EML4: variants seen among roughly 807,000 people sequenced by gnomAD.
EML4 encodes echinoderm microtubule-associated protein-like 4.
In EML4, 72 loss-of-function variants were observed where a neutral mutation model predicts 129.0. The ratio of observed to expected loss-of-function variants is 0.56; its 90% CI spans 0.46 to 0.68. The LOEUF is 0.68. Ranked by LOEUF, EML4 falls within the 30% of genes least tolerant of loss-of-function variation. The probability of loss-of-function intolerance (pLI) is 0.00; values close to 1 mark genes in which losing one functional copy is unlikely to be tolerated. For synonymous variants in EML4, 532 were observed against 405.0 expected (o/e 1.31, Z -3.77); for missense variants, 1,363 against 1,190.6 (o/e 1.14, Z -2.13).
At chr2:42,197,844 T>A (rs758086980) in intron 1 of EML4, among the ~76,000 whole-genome samples, 1 of 152,228 alleles carries the variant, frequency 6.6e-6, no homozygotes, top group Non-Finnish European at 1.5e-5. Context: ...TCAAACCTTG[T>A]GTACTCCTTT....
At chr2:42,274,888 A>G (rs1459920666) in intron 6 of EML4, among the ~76,000 whole-genome samples, 1 of 152,156 alleles carries the variant, frequency 6.6e-6, no homozygotes, top group Non-Finnish European at 1.5e-5. Flanking sequence ...CAAGTATTTC[A>G]ATTTTTTGCC....
intron 1 of EML4, among the ~76,000 whole-genome samples, chr2:42,188,232 C>G (rs928892804): frequency 6.6e-6 from 1 of 152,014 alleles, no homozygotes; most frequent in Non-Finnish European, 1.5e-5. Flanking sequence ...ATTACTATAG[C>G]TGATAGTAAA....
chr2:42,295,663 AT>A (rs1667905825), intron 13 of EML4, 147 bp downstream of exon 13: 5 of 629,188 alleles, frequency 7.9e-6, no homozygotes. Flanking sequence ...ATTCTTCATA[AT>A]CTTTTTTTAA....
intron 6 of EML4, among the ~76,000 whole-genome samples, chr2:42,272,077 CAA>C (rs35948547): frequency 9.8e-4 from 99 of 101,126 alleles, no homozygotes; most frequent in South Asian, 1.3e-3. Flanking sequence ...CACTCCATCT[CAA>C]AAAAAAAAAA....
At chr2:42,247,850 G>C (rs1344730986) in intron 2 of EML4, among the ~76,000 whole-genome samples, 2 of 152,036 alleles carry the variant, frequency 1.3e-5, no homozygotes, top group Non-Finnish European at 2.9e-5. Context: ...TTTGTATAGA[G>C]AGGGAAGAAC....
intron 6 of EML4, among the ~76,000 whole-genome samples, chr2:42,274,984 A>G (rs1666579372): frequency 1.3e-5 from 2 of 152,188 alleles, no homozygotes; most frequent in African/African-American, 4.8e-5. Context: ...TGGGATTCAG[A>G]GCTCAAGCTA....
intron 1 of EML4, among the ~76,000 whole-genome samples, chr2:42,232,717 GTTTTGTTTTTGT>G (rs1181689481): frequency 6.6e-6 from 1 of 151,878 alleles, no homozygotes; most frequent in African/African-American, 2.4e-5. Context: ...AGGCCTTTTT[GTTTTGTTTTTGT>G]TTTTGTTTTT....
At chr2:42,301,451 C>A in intron 14 of EML4, 59 bp downstream of exon 14, 1 of 1,325,332 alleles carries the variant, frequency 7.5e-7, no homozygotes, top group Non-Finnish European at 1.0e-6. Context: ...TATTTTGTCC[C>A]ACATTAAGAT....
At chr2:42,301,089 TGCACAAA>T (rs1342229011) in intron 13 of EML4, 145 bp from the exon 14 acceptor site, 2 of 601,170 alleles carry the variant, frequency 3.3e-6, no homozygotes, top group Non-Finnish European at 5.7e-6. Context: ...CTACCTGCTT[TGCACAAA>T]AGACTTGCTG....
intron 5 of EML4, among the ~76,000 whole-genome samples, chr2:42,263,816 G>A (rs1479425073): frequency 4.6e-5 from 7 of 152,050 alleles, no homozygotes; most frequent in Admixed American, 1.3e-4. Context: ...TGCAACCTCC[G>A]CCTCCCAGGT....
chr2:42,279,160 G>A (rs1223052243), intron 6 of EML4, among the ~76,000 whole-genome samples: 1 of 152,150 alleles, frequency 6.6e-6, no homozygotes, highest in Non-Finnish European at 1.5e-5. Context: ...ATGTGTGTGT[G>A]TGTATATATA....
At chr2:42,301,075 T>G (rs1668259692) in intron 13 of EML4, among the ~76,000 whole-genome samples, 166 bp from the exon 14 acceptor site, 1 of 152,212 alleles carries the variant, frequency 6.6e-6, no homozygotes, top group East Asian at 1.9e-4. Context: ...TACCCTAAAC[T>G]TTACTACCTG....
chr2:42,224,771 T>A (rs567830941), intron 1 of EML4, among the ~76,000 whole-genome samples: 1 of 152,286 alleles, frequency 6.6e-6, no homozygotes, highest in South Asian at 2.1e-4. Flanking sequence ...TGATTTTTTA[T>A]TGTTATAAAA....
At chr2:42,185,018 A>G (rs1671167551) in intron 1 of EML4, among the ~76,000 whole-genome samples, 1 of 152,044 alleles carries the variant, frequency 6.6e-6, no homozygotes, top group Admixed American at 6.6e-5. Context: ...ATGTAATCTA[A>G]TTTTCTCTCC....
intron 1 of EML4, among the ~76,000 whole-genome samples, chr2:42,185,858 A>T (rs968383795): frequency 6.6e-6 from 1 of 152,204 alleles, no homozygotes; most frequent in Non-Finnish European, 1.5e-5. Flanking sequence ...TAGGAGAGAC[A>T]TGAAGGGCCT....
intron 1 of EML4, among the ~76,000 whole-genome samples, chr2:42,235,987 C>A (rs188561954): frequency 9.0e-4 from 137 of 152,240 alleles, no homozygotes; most frequent in African/African-American, 2.9e-3. Flanking sequence ...GAACTTCCCT[C>A]CCCCTCCCTA....
intron 16 of EML4, 35 bp from the exon 17 acceptor site, chr2:42,304,449 A>G: frequency 1.3e-6 from 2 of 1,581,412 alleles, no homozygotes; most frequent in East Asian, 4.5e-5. Flanking sequence ...AGACTTTCTC[A>G]TGTACTCCCC....
chr2:42,329,965 C>T lies in EML4; in HGVS notation c.2704C>T (p.Pro902Ser), dbSNP rs1405227198. 6.2e-7 allele frequency: 1 copy of T among 1,613,970 alleles called. No homozygotes were observed. ...VIQSNTPTPP[P>S]SQPLNETAEE... Reference sequence around the variant, plus strand: ...CCAATCTAATACTCCCACACCGCCTCCTTCTCAGCCCTTAAATGAGACAGC... The same window carrying T: ...CCAATCTAATACTCCCACACCGCCTTCTTCTCAGCCCTTAAATGAGACAGC... Residue 902 changes from proline to serine, a missense_variant, in exon 23 of 23, where the codon CCT becomes TCT. Coordinates refer to ENST00000318522, the MANE Select transcript of EML4 (RefSeq NM_019063.5).
intron 1 of EML4, among the ~76,000 whole-genome samples, chr2:42,234,858 C>G (rs112322820): frequency 4.1e-4 from 63 of 152,188 alleles, no homozygotes; most frequent in Non-Finnish European, 8.2e-4. Flanking sequence ...AAAACATCAT[C>G]AAAAACAATT....
Sources: allele counts gnomAD v4.1 joint callset (sites outside exome capture counted in the v4.1 genomes callset), GRCh38; gene constraint gnomAD v4.1.1; transcripts MANE v1.5; gene names NCBI Gene and HGNC (gene_info 2026-07-23, HGNC 2026-07-21).